TRHDE: variants seen among roughly 807,000 people sequenced by gnomAD.
The protein encoded by TRHDE is thyrotropin releasing hormone degrading enzyme, also known as thyrotropin-releasing hormone-degrading ectoenzyme.
A neutral mutation model predicts 125.7 loss-of-function variants in TRHDE; 72 were observed. The ratio of observed to expected loss-of-function variants is 0.57; its 90% CI spans 0.47 to 0.70. The LOEUF is 0.70. Among genes scored for constraint, TRHDE ranks in the 30% least tolerant of loss-of-function variants. TRHDE has a pLI of 0.00. For synonymous variants in TRHDE, 509 were observed against 509.1 expected (o/e 1.00, Z 0.00); for missense variants, 1,110 against 1,327.1 (o/e 0.84, Z 2.54).
chr12:72,542,368 G>T lies in TRHDE; in HGVS notation c.1788+12G>T. The stretch of plus-strand genomic sequence containing the variant: ...AGAGGGGTTTGCAAGTAAGTAAAAT[G>T]CTTTTTATTTTCTTTTACATTTTTC... On this transcript the variant is annotated intron_variant, in intron 7 of 18. Coordinates refer to ENST00000261180, the MANE Select transcript of TRHDE (RefSeq NM_013381.3). 6.3e-7 allele frequency: 1 copy of T among 1,594,702 alleles called. No homozygotes were observed. The highest frequency in any genetic ancestry group is 8.6e-7 in the Non-Finnish European group (1 of 1,168,512).
chr12:72,353,678 T>G (rs1480349296), intron 2 of TRHDE, among the ~76,000 whole-genome samples: 1 of 151,568 alleles, frequency 6.6e-6, no homozygotes. Context: ...CTTACGTGTA[T>G]ATGGATACTC....
At chr12:72,464,003 C>T (rs1876248909) in intron 3 of TRHDE, among the ~76,000 whole-genome samples, 1 of 152,120 alleles carries the variant, frequency 6.6e-6, no homozygotes, top group Non-Finnish European at 1.5e-5. Flanking sequence ...TTTATGAGGG[C>T]TGACTTTCCC....
chr12:72,220,215 T>G (rs1877975253), intron 2 of TRHDE, among the ~76,000 whole-genome samples: 1 of 152,150 alleles, frequency 6.6e-6, no homozygotes, highest in African/African-American at 2.4e-5. Context: ...TAAATGTCTT[T>G]GTGGTGAGTG....
At chr12:72,308,899 ATC>A (rs1244075096) in intron 2 of TRHDE, among the ~76,000 whole-genome samples, 1 of 152,182 alleles carries the variant, frequency 6.6e-6, no homozygotes, top group Non-Finnish European at 1.5e-5. Flanking sequence ...TGCATAATTT[ATC>A]TGACTTCACC....
At chr12:72,512,889 A>AT (rs1878668171) in intron 6 of TRHDE, among the ~76,000 whole-genome samples, 1 of 151,934 alleles carries the variant, frequency 6.6e-6, no homozygotes, top group Non-Finnish European at 1.5e-5. Flanking sequence ...CATATTTAGA[A>AT]TATAAGTAGT....
At chr12:72,097,878 C>T (rs1214123257) in intron 1 of TRHDE, among the ~76,000 whole-genome samples, 1 of 152,008 alleles carries the variant, frequency 6.6e-6, no homozygotes, top group East Asian at 1.9e-4. Context: ...GGCCTGTTAC[C>T]AAATGCTTAA....
At chr12:72,502,529 C>G (rs375976551) in intron 6 of TRHDE, among the ~76,000 whole-genome samples, 3 of 151,970 alleles carry the variant, frequency 2.0e-5, no homozygotes, top group African/African-American at 7.2e-5. Flanking sequence ...CTCTGTATGT[C>G]TTGAATCTTC....
At chr12:72,194,593 T>C (rs1345890535) in intron 2 of TRHDE, among the ~76,000 whole-genome samples, 1 of 152,124 alleles carries the variant, frequency 6.6e-6, no homozygotes, top group Non-Finnish European at 1.5e-5. Context: ...TGAGTACCCA[T>C]TGTTTAGCTC....
At chr12:72,364,953 C>T (rs1042453475) in intron 2 of TRHDE, among the ~76,000 whole-genome samples, 1 of 151,986 alleles carries the variant, frequency 6.6e-6, no homozygotes, top group Non-Finnish European at 1.5e-5. Context: ...AAATGAACAA[C>T]CAAAAAGTGC....
intron 2 of TRHDE, among the ~76,000 whole-genome samples, chr12:72,243,792 T>C (rs963800675): frequency 2.6e-5 from 4 of 152,218 alleles, no homozygotes; most frequent in African/African-American, 7.2e-5. Context: ...TTCATGGCTA[T>C]TTTTTTCTTT....
intron 2 of TRHDE, among the ~76,000 whole-genome samples, chr12:72,190,914 C>T (rs907847864): frequency 3.3e-5 from 5 of 152,088 alleles, no homozygotes; most frequent in Admixed American, 2.6e-4. Context: ...ATTAAATAAG[C>T]CCTTTGTGTT....
intron 10 of TRHDE, among the ~76,000 whole-genome samples, chr12:72,571,731 A>G (rs867425367): frequency 4.6e-5 from 7 of 152,218 alleles, no homozygotes; most frequent in Middle Eastern, 3.4e-3. Context: ...ATTAAAATAG[A>G]AGAGAAATTG....
At chr12:72,449,450 G>T (rs980831851) in intron 3 of TRHDE, among the ~76,000 whole-genome samples, 1 of 151,820 alleles carries the variant, frequency 6.6e-6, no homozygotes, top group African/African-American at 2.4e-5. Flanking sequence ...TTCTGGCATT[G>T]TGTACACACT....
Position 72,203,337 on chromosome 12 carries a change from A to G in TRHDE, n.279+97585A>G, listed in dbSNP as rs1020494590. On this transcript the variant is annotated intron_variant and non_coding_transcript_variant, in intron 2 of 4. Transcript: ENST00000548156. Reference sequence around the variant, plus strand: ...CAAAAAATTAGCCGCGCGTGGTGGCAGGCGCCTGTAGTCCCAGCTACTCGG... The same window carrying G: ...CAAAAAATTAGCCGCGCGTGGTGGCGGGCGCCTGTAGTCCCAGCTACTCGG... 7.2e-5 allele frequency among the ~76,000 whole-genome samples: 11 copies of G among 152,270 alleles called. No individual in the cohort carries two copies. In the East Asian group the frequency reaches 7.7e-4, roughly 11 times the overall value.
chr12:72,520,015 T>C (rs1014931261), intron 6 of TRHDE, among the ~76,000 whole-genome samples: 43 of 152,310 alleles, frequency 2.8e-4, no homozygotes, highest in Non-Finnish European at 3.2e-4. Context: ...TGTCCAGCTG[T>C]GTGCTGGGAG....
intron 12 of TRHDE, among the ~76,000 whole-genome samples, chr12:72,607,350 T>G (rs1872488222): frequency 6.6e-6 from 1 of 152,188 alleles, no homozygotes; most frequent in South Asian, 2.1e-4. Flanking sequence ...TAATTGTATC[T>G]CTTTTTATGA....
intron 2 of TRHDE, among the ~76,000 whole-genome samples, chr12:72,375,895 G>A (rs1307108943): frequency 2.0e-5 from 3 of 152,208 alleles, no homozygotes; most frequent in Admixed American, 6.5e-5. Context: ...AATGAAGACT[G>A]TCTCTTGTGG....
chr12:72,302,234 ATG>A (rs1262930634), intron 2 of TRHDE, among the ~76,000 whole-genome samples: 2 of 84,238 alleles, frequency 2.4e-5, no homozygotes, highest in Non-Finnish European at 2.5e-5. Context: ...ATTATTATCT[ATG>A]TGTGTGTGTA....
chr12:72,591,696 T>C (rs1871693700), intron 12 of TRHDE, among the ~76,000 whole-genome samples: 1 of 150,122 alleles, frequency 6.7e-6, no homozygotes. Flanking sequence ...TCTCTAAGAG[T>C]TTTCTTTTAT....
Sources: gnomAD v4.1 joint callset for allele counts (sites outside exome capture counted in the v4.1 genomes callset) on GRCh38, gnomAD v4.1.1 for gene constraint, MANE v1.5 for transcripts, NCBI Gene and HGNC (gene_info 2026-07-23, HGNC 2026-07-21) for gene names.